Variants in PKD2L1 observed in about 807,000 individuals in gnomAD.
The protein encoded by PKD2L1 is polycystin 2 like 1, transient receptor potential cation channel.
In PKD2L1, 77 loss-of-function variants were observed where a neutral mutation model predicts 93.0. The observed-to-expected ratio is 0.83, with a 90% CI of 0.69 to 1.00. The LOEUF (loss-of-function observed/expected upper bound fraction) is 1.00. Among genes scored for constraint, PKD2L1 ranks in the 50% least tolerant of loss-of-function variants. The pLI is 0.00. For synonymous variants in PKD2L1, 390 were observed against 388.0 expected (o/e 1.01, Z -0.06); for missense variants, 977 against 990.9 (o/e 0.99, Z 0.19).
At chr10:100,298,346 C>T (rs1158987848) in intron 4 of PKD2L1, among the ~76,000 whole-genome samples, 1 of 152,180 alleles carries the variant, frequency 6.6e-6, no homozygotes, top group Admixed American at 6.5e-5. Context: ...AGTCTGGAGG[C>T]TATTGCTGTG....
At position 100,294,518 on chromosome 10, in the gene PKD2L1, C is replaced by G; in HGVS notation, c.1659+17G>C. The G allele has an allele frequency of 1.2e-6, 2 of 1,614,046 alleles. No individual in the cohort carries two copies. Among genetic ancestry groups the G allele is most frequent in the South Asian group, 2.2e-5 (2 of 91,082 alleles). ...CTGCAGGCTCTCTATGTCCCCACCC[C>G]TCAGAGAGACCCTCACCAGGAGCAC... On this transcript the variant is annotated intron_variant, in intron 9 of 15. Transcript: ENST00000318222.
At chr10:100,310,295 C>T (rs1048706798) in intron 2 of PKD2L1, among the ~76,000 whole-genome samples, 6 of 152,218 alleles carry the variant, frequency 3.9e-5, no homozygotes, top group South Asian at 2.1e-4. Flanking sequence ...GCTGTGTATG[C>T]GCCACCACAC....
At chr10:100,321,711 GAAAGAAAGAAAGAA>G (rs1849240059) in intron 2 of PKD2L1, among the ~76,000 whole-genome samples, 1 of 5,448 alleles carries the variant, frequency 1.8e-4, no homozygotes, top group East Asian at 5.7e-3. Flanking sequence ...AAGAAAGAAA[GAAAGAAAGAAAGAA>G]AGAAAGAAAG....
rs377650466 is a variant in PKD2L1, at chr10:100,289,082, C to T, written c.2251-26G>A. 2.0e-5 allele frequency: 31 copies of T among 1,536,832 alleles called. No individual in the cohort carries two copies. The African/African-American group carries it at 4.1e-4, about 20-fold the overall frequency. Reference sequence around the variant, plus strand: ...CTGTTGGAAGAAGAAAGGGACAAATCATTTGAAGAAATAGTTTGTGTACCA... The same window carrying T: ...CTGTTGGAAGAAGAAAGGGACAAATTATTTGAAGAAATAGTTTGTGTACCA... On this transcript the variant is annotated intron_variant, in intron 14 of 15. Transcript: ENST00000318222.
intron 7 of PKD2L1, among the ~76,000 whole-genome samples, chr10:100,295,731 C>CAAAA (rs71013441): frequency 1.9e-4 from 11 of 56,630 alleles, no homozygotes; most frequent in Admixed American, 2.6e-4. Context: ...GACTTCGTCT[C>CAAAA]AAAAAAAAAA....
chr10:100,320,338 G>A (rs576921652), intron 2 of PKD2L1, among the ~76,000 whole-genome samples: 1 of 152,328 alleles, frequency 6.6e-6, no homozygotes, highest in East Asian at 1.9e-4. Context: ...AGCCAGATGA[G>A]ATTCCAAATA....
chr10:100,297,212 T>A lies in PKD2L1; in HGVS notation c.957-4A>T. Reference sequence around the variant, plus strand: ...AGCTGGAAACTCCACCACCAGCCTATAGGGGGAGGGGGAGATGACCTCCAG... The same window carrying A: ...AGCTGGAAACTCCACCACCAGCCTAAAGGGGGAGGGGGAGATGACCTCCAG... On this transcript the variant is annotated splice_region_variant and splice_polypyrimidine_tract_variant and intron_variant, in intron 5 of 15. Coordinates refer to ENST00000318222, the MANE Select transcript of PKD2L1 (RefSeq NM_016112.3). The A allele has an allele frequency of 6.2e-7, 1 of 1,612,754 alleles. No homozygotes were observed. The highest frequency in any genetic ancestry group is 2.2e-5 in the East Asian group (1 of 44,872).
Position 100,299,622 on chromosome 10 carries a change from T to G in PKD2L1, c.446A>C (p.Gln149Pro), listed in dbSNP as rs1223248854. 1.2e-6 allele frequency: 2 copies of G among 1,613,796 alleles called. No homozygotes were observed. Among genetic ancestry groups the G allele is most frequent in the Admixed American group, 3.3e-5 (2 of 60,010 alleles). The change falls in exon 3 of 16, where the codon CAG (glutamine) becomes CCG (proline). Residue 149 changes from glutamine to proline, a missense_variant. By Grantham distance (76) the Gln-to-Pro change is moderately conservative. Coordinates refer to ENST00000318222, the MANE Select transcript of PKD2L1 (RefSeq NM_016112.3). ...GAAGTCCGCCATGCTGCTGATGGCC[T>G]GAAAGGAGACTCCAGTGTCTGATGG... ...HTPSDTGVSFQAISSMADFWD... is the reference protein window; with the variant it reads ...HTPSDTGVSFPAISSMADFWD...
intron 2 of PKD2L1, among the ~76,000 whole-genome samples, chr10:100,316,383 G>A (rs1849102388): frequency 1.3e-5 from 2 of 152,174 alleles, no homozygotes; most frequent in South Asian, 4.1e-4. Flanking sequence ...TGTTGGTCAA[G>A]CTGGTCTCGA....
intron 2 of PKD2L1, among the ~76,000 whole-genome samples, chr10:100,324,782 G>GT (rs1849340169): frequency 6.6e-6 from 1 of 152,152 alleles, no homozygotes; most frequent in Non-Finnish European, 1.5e-5. Flanking sequence ...TGACTCCAAT[G>GT]TTTTTATGTT....
At chr10:100,311,077 T>C (rs184116964) in intron 2 of PKD2L1, among the ~76,000 whole-genome samples, 3 of 152,358 alleles carry the variant, frequency 2.0e-5, no homozygotes, top group Admixed American at 2.0e-4. Flanking sequence ...TGATATTCCA[T>C]GCTCCTTATA....
intron 2 of PKD2L1, among the ~76,000 whole-genome samples, chr10:100,324,581 A>G (rs1306105396): frequency 1.3e-5 from 2 of 152,204 alleles, no homozygotes; most frequent in African/African-American, 2.4e-5. Flanking sequence ...TTTAATGAAC[A>G]GTCTAGAGGA....
In PKD2L1 at chr10:100,291,388, G is replaced by T; in HGVS notation, c.1920C>A (p.Ala640=). The T allele has an allele frequency of 6.2e-7, 1 of 1,613,996 alleles. No individual in the cohort carries two copies. The highest frequency in any genetic ancestry group is 2.2e-5 in the East Asian group (1 of 44,886). Residue 640 remains alanine (A), a synonymous_variant, in exon 12 of 16, where the codon GCC becomes GCA. Coordinates refer to ENST00000318222, the MANE Select transcript of PKD2L1 (RefSeq NM_016112.3). ...CATCTCTGTCAAACTTGGTGAAGGT[G>T]GCCGTGAGCTCAGTGATTTCATGCT... The part of the protein sequence containing the change: ...HAEHEITELT[A]TFTKFDRDGN...
At chr10:100,303,029 C>A (rs565693093) in intron 2 of PKD2L1, among the ~76,000 whole-genome samples, 1 of 151,974 alleles carries the variant, frequency 6.6e-6, no homozygotes, top group Non-Finnish European at 1.5e-5. Context: ...TGTGTGCACA[C>A]GCACATGTGT....
chr10:100,315,024 G>T, intron 2 of PKD2L1, among the ~76,000 whole-genome samples: 1 of 10,382 alleles, frequency 9.6e-5, no homozygotes, highest in South Asian at 4.1e-3. Context: ...GGGAAGGGAA[G>T]GGAAGGGAAG....
Position 100,293,392 on chromosome 10 carries a change from G to A in PKD2L1, c.1660-13C>T, listed in dbSNP as rs957109495. 1.2e-5 allele frequency: 18 copies of A among 1,562,166 alleles called. No individual in the cohort carries two copies. The highest frequency in any genetic ancestry group is 1.6e-5 in the Non-Finnish European group (18 of 1,132,546). On this transcript the variant is annotated splice_polypyrimidine_tract_variant and intron_variant, in intron 9 of 15. Transcript: ENST00000318222. ...CCAGGAACATGTTCTGGAAAATGAA[G>A]TGGGGACCTGGGTCCTCACCCCCAG...
Position 100,304,530 on chromosome 10 carries a change from G to T in PKD2L1, c.350-4812C>A, listed in dbSNP as rs181340001. Among the ~76,000 whole-genome samples the T allele has an allele frequency of 2.4e-3, 361 of 152,072 alleles. 1 individual carries two copies. The highest frequency in any genetic ancestry group is 7.9e-3 in the African/African-American group (326 of 41,462). On this transcript the variant is annotated intron_variant, in intron 2 of 15. Transcript: ENST00000318222. Reference sequence around the variant, plus strand: ...TTTTTTTGAGACAGGGTCTTGCTGTGTTGCCCAGGCTGGAGTGGGGTGGCA... The same window carrying T: ...TTTTTTTGAGACAGGGTCTTGCTGTTTTGCCCAGGCTGGAGTGGGGTGGCA...
At chr10:100,314,410 T>G (rs1390666582) in intron 2 of PKD2L1, among the ~76,000 whole-genome samples, 11 of 151,936 alleles carry the variant, frequency 7.2e-5, no homozygotes, top group Non-Finnish European at 1.5e-4. Context: ...AACAGACCAG[T>G]GCCTGGGGAG....
At chr10:100,308,351 C>G (rs560617099) in intron 2 of PKD2L1, among the ~76,000 whole-genome samples, 14 of 147,288 alleles carry the variant, frequency 9.5e-5, no homozygotes, top group Non-Finnish European at 1.8e-4. Context: ...TTTTTTTTCT[C>G]GAGATGGAGT....
Sources: gnomAD v4.1 joint callset for allele counts (sites outside exome capture counted in the v4.1 genomes callset) on GRCh38, gnomAD v4.1.1 for gene constraint, MANE v1.5 for transcripts, NCBI Gene and HGNC (gene_info 2026-07-23, HGNC 2026-07-21) for gene names.